Variants in NXPH1 observed in about 807,000 individuals in gnomAD.
The protein encoded by NXPH1 is neurexophilin 1.
A neutral mutation model predicts 23.7 loss-of-function variants in NXPH1; 5 were observed. The ratio of observed to expected loss-of-function variants is 0.21; its 90% CI spans 0.11 to 0.44. The LOEUF (loss-of-function observed/expected upper bound fraction) is 0.44. Among genes scored for constraint, NXPH1 ranks in the 20% least tolerant of loss-of-function variants. The pLI is 0.99. For missense variants in NXPH1, 324 were observed against 321.6 expected (o/e 1.01, Z -0.06); for synonymous variants, 144 against 122.2 (o/e 1.18, Z -1.18).
chr7:8,544,462 C>T (rs989155115), intron 2 of NXPH1, among the ~76,000 whole-genome samples: 2 of 151,570 alleles, frequency 1.3e-5, no homozygotes, highest in Non-Finnish European at 3.0e-5. Flanking sequence ...ATCACAGATT[C>T]TTGAAAGACT....
At chr7:8,690,740 C>T (rs1821209516) in intron 2 of NXPH1, among the ~76,000 whole-genome samples, 1 of 152,202 alleles carries the variant, frequency 6.6e-6, no homozygotes, top group Non-Finnish European at 1.5e-5. Flanking sequence ...GAGAAATAAA[C>T]AATCCTGGTG....
intron 2 of NXPH1, among the ~76,000 whole-genome samples, chr7:8,727,153 T>A (rs925239245): frequency 6.9e-6 from 1 of 144,216 alleles, no homozygotes; most frequent in Non-Finnish European, 1.5e-5. Context: ...AAGTGTCTGT[T>A]CATGTCCTTC....
intron 2 of NXPH1, among the ~76,000 whole-genome samples, chr7:8,497,640 T>G (rs1351446170): frequency 6.6e-6 from 1 of 152,160 alleles, no homozygotes; most frequent in Non-Finnish European, 1.5e-5. Context: ...TCATGTGTCT[T>G]TTGGCTGCAT....
chr7:8,650,035 G>T (rs77809160), intron 2 of NXPH1, among the ~76,000 whole-genome samples: 4 of 151,644 alleles, frequency 2.6e-5, no homozygotes, highest in Non-Finnish European at 5.9e-5. Context: ...TTGGAGGTCT[G>T]TATCACTCAA....
intron 2 of NXPH1, among the ~76,000 whole-genome samples, chr7:8,526,389 G>C (rs1003903509): frequency 1.3e-5 from 2 of 152,168 alleles, no homozygotes; most frequent in Admixed American, 1.3e-4. Context: ...TCTTAGATGA[G>C]ACTTTGGACT....
chr7:8,543,832 A>G (rs999239644), intron 2 of NXPH1, among the ~76,000 whole-genome samples: 2 of 151,768 alleles, frequency 1.3e-5, no homozygotes, highest in Middle Eastern at 3.4e-3. Context: ...AAATGATTGC[A>G]TACCAGGTGT....
intron 2 of NXPH1, among the ~76,000 whole-genome samples, chr7:8,678,928 ATTT>A (rs540056222): frequency 1.3e-3 from 89 of 68,646 alleles, no homozygotes; most frequent in African/African-American, 4.8e-3. Context: ...GCTTTATCCA[ATTT>A]TTTTTTTTTT....
At chr7:8,486,933 G>A (rs1447675461) in intron 2 of NXPH1, among the ~76,000 whole-genome samples, 4 of 151,728 alleles carry the variant, frequency 2.6e-5, no homozygotes, top group Non-Finnish European at 5.9e-5. Context: ...CTTGCATATA[G>A]CCCTTGTAAG....
chr7:8,619,062 T>C (rs1819807431), intron 2 of NXPH1, among the ~76,000 whole-genome samples: 2 of 152,174 alleles, frequency 1.3e-5, no homozygotes, highest in Admixed American at 6.5e-5. Flanking sequence ...CCTGTGACAT[T>C]AATGTGCTAT....
chr7:8,686,898 A>C (rs1205272369), intron 2 of NXPH1, among the ~76,000 whole-genome samples: 1 of 152,148 alleles, frequency 6.6e-6, no homozygotes, highest in African/African-American at 2.4e-5. Context: ...ACACATTACC[A>C]TAAACAAATG....
At chr7:8,701,430 G>A (rs1779621743) in intron 2 of NXPH1, among the ~76,000 whole-genome samples, 1 of 151,840 alleles carries the variant, frequency 6.6e-6, no homozygotes, top group Admixed American at 6.6e-5. Context: ...TGCACCTCTT[G>A]CATCTTAAAT....
intron 2 of NXPH1, among the ~76,000 whole-genome samples, chr7:8,651,903 A>G (rs1820496909): frequency 6.6e-6 from 1 of 152,164 alleles, no homozygotes; most frequent in Non-Finnish European, 1.5e-5. Flanking sequence ...TTCGAGAACA[A>G]GTATAATATT....
chr7:8,597,003 A>G (rs971742427), intron 2 of NXPH1, among the ~76,000 whole-genome samples: 1 of 152,124 alleles, frequency 6.6e-6, no homozygotes, highest in African/African-American at 2.4e-5. Context: ...CAGCTTACAG[A>G]GTCAGTGACA....
intron 2 of NXPH1, among the ~76,000 whole-genome samples, chr7:8,649,077 T>C (rs1820444874): frequency 1.3e-5 from 2 of 152,032 alleles, no homozygotes; most frequent in Admixed American, 6.6e-5. Context: ...ATGGTACTTA[T>C]TCATCTATTC....
At chr7:8,750,293 C>T (rs565018500) in intron 2 of NXPH1, among the ~76,000 whole-genome samples, 1 of 152,302 alleles carries the variant, frequency 6.6e-6, no homozygotes, top group East Asian at 1.9e-4. Context: ...TGTCAGTTGA[C>T]ATATGTCTGA....
At chr7:8,548,697 C>G (rs187935288) in intron 2 of NXPH1, among the ~76,000 whole-genome samples, 1 of 151,506 alleles carries the variant, frequency 6.6e-6, no homozygotes, top group Non-Finnish European at 1.5e-5. Context: ...CTTAACACAG[C>G]TTTGCTGCTT....
intron 2 of NXPH1, among the ~76,000 whole-genome samples, chr7:8,461,557 G>A (rs540724132): frequency 7.9e-5 from 12 of 152,200 alleles, no homozygotes; most frequent in African/African-American, 2.6e-4. Flanking sequence ...ACGGCCGGGC[G>A]CGGTGGCTCA....
chr7:8,463,538 AG>A (rs1816729312), intron 2 of NXPH1, among the ~76,000 whole-genome samples: 1 of 152,158 alleles, frequency 6.6e-6, no homozygotes, highest in South Asian at 2.1e-4. Flanking sequence ...GCCATTCAAA[AG>A]TTTTGTCCCA....
chr7:8,696,653 G>A (rs78576787), intron 2 of NXPH1, among the ~76,000 whole-genome samples: 1 of 152,182 alleles, frequency 6.6e-6, no homozygotes, highest in African/African-American at 2.4e-5. Flanking sequence ...TGAAATGAGT[G>A]TGACTTTGTC....
Sources: gnomAD v4.1 joint callset for allele counts (sites outside exome capture counted in the v4.1 genomes callset) on GRCh38, gnomAD v4.1.1 for gene constraint, MANE v1.5 for transcripts, NCBI Gene and HGNC (gene_info 2026-07-23, HGNC 2026-07-21) for gene names.